Variants in SHROOM2 observed in about 807,000 individuals in gnomAD.
SHROOM2 encodes the protein shroom family member 2.
A neutral mutation model predicts 75.9 loss-of-function variants in SHROOM2; 33 were observed. That is an observed-to-expected ratio of 0.43 (90% CI 0.33 to 0.58). The LOEUF is 0.58. SHROOM2 is among the 20% of genes least tolerant of loss of function. The pLI, the probability that SHROOM2 is intolerant of heterozygous loss-of-function variation, is 0.04. For missense variants in SHROOM2, 1,434 were observed against 1,461.2 expected (o/e 0.98, Z 0.30); for synonymous variants, 655 against 663.6 (o/e 0.99, Z 0.20).
chrX:9,891,858 G>A (rs2084294864), intron 3 of SHROOM2, among the ~76,000 whole-genome samples: 1 of 102,191 alleles, frequency 9.8e-6, no homozygotes, highest in Non-Finnish European at 2.0e-5. Context: ...GAGTATCAGT[G>A]AGCATGTTTG....
At chrX:9,934,384 C>T (rs773004708) in intron 6 of SHROOM2, among the ~76,000 whole-genome samples, 1 of 111,162 alleles carries the variant, frequency 9.0e-6, no homozygotes, top group African/African-American at 3.3e-5. Flanking sequence ...TATCTCCAGC[C>T]GAGGCATTGT....
intron 2 of SHROOM2, among the ~76,000 whole-genome samples, chrX:9,881,745 C>T (rs73474568): frequency 0.027 from 3,008 of 112,215 alleles, 118 homozygotes; most frequent in African/African-American, 0.092. Context: ...CCGATTTTGC[C>T]ACTGAGTTTC....
chrX:9,881,775 G>A (rs1255780733), intron 2 of SHROOM2, among the ~76,000 whole-genome samples: 1 of 111,940 alleles, frequency 8.9e-6, no homozygotes, highest in Admixed American at 9.4e-5. Context: ...CATGGTCTGG[G>A]CTCAATGTTT....
chrX:9,838,062 T>G (rs1440361873), intron 1 of SHROOM2, among the ~76,000 whole-genome samples: 42 of 96,654 alleles, frequency 4.3e-4, no homozygotes, highest in Non-Finnish European at 2.3e-4. Context: ...GTGTGGTTTT[T>G]TTTTTTTTTT....
intron 1 of SHROOM2, among the ~76,000 whole-genome samples, chrX:9,833,645 T>TGTGC (rs989151309): frequency 1.8e-4 from 18 of 100,085 alleles, no homozygotes; most frequent in Admixed American, 7.6e-4. Flanking sequence ...TGTGTGTGTG[T>TGTGC]GCATGCACGT....
chrX:9,800,334 A>T, intron 1 of SHROOM2, among the ~76,000 whole-genome samples: 1 of 106,355 alleles, frequency 9.4e-6, no homozygotes. Flanking sequence ...TATTTTATGT[A>T]TTATTATTAT....
intron 9 of SHROOM2, 119 bp from the exon 10 acceptor site, chrX:9,946,552 C>A: frequency 1.6e-6 from 1 of 630,177 alleles, no homozygotes; most frequent in Non-Finnish European, 2.4e-6. Context: ...TCTCTGGTGG[C>A]ATCAGGGTTT....
chrX:9,896,677 G>A lies in SHROOM2; in HGVS notation c.2769G>A (p.Pro923=), dbSNP rs1421230826. 1.6e-5 allele frequency: 19 copies of A among 1,190,375 alleles called. No individual in the cohort carries two copies. The highest frequency in any genetic ancestry group is 3.0e-5 in the East Asian group (1 of 33,107). Residue 923 remains proline (P), a synonymous_variant, in exon 4 of 10, where the codon CCG becomes CCA. Transcript: ENST00000380913. ...TTCATGGGAGGTCCCGGTCTTCACCGTCCACAGACCACTACAAGCAGGTAA... is the reference window on the plus strand; with the variant it reads ...TTCATGGGAGGTCCCGGTCTTCACCATCCACAGACCACTACAAGCAGGTAA... ...QHVHGRSRSS[P]STDHYKQEAS... is the part of the protein sequence containing the mutation.
intron 1 of SHROOM2, among the ~76,000 whole-genome samples, chrX:9,839,729 G>A (rs188413808): frequency 1.4e-4 from 16 of 112,033 alleles, no homozygotes; most frequent in South Asian, 3.7e-4. Flanking sequence ...TATTAGTGCA[G>A]TGTTGGGTAG....
chrX:9,788,135 A>G (rs967715175), intron 1 of SHROOM2, among the ~76,000 whole-genome samples: 2 of 108,342 alleles, frequency 1.8e-5, no homozygotes, highest in Admixed American at 9.9e-5. Flanking sequence ...CTGGTCTCGA[A>G]CTCCTCTGCC....
At chrX:9,941,730 C>G (rs113207318) in intron 8 of SHROOM2, among the ~76,000 whole-genome samples, 5,893 of 109,432 alleles carry the variant, frequency 0.054, 189 homozygotes, top group Middle Eastern at 0.1. Context: ...CCAGCACTTT[C>G]GGAGGCCGAG....
At position 9,896,479 on chromosome X, in the gene SHROOM2, A is replaced by G; in HGVS notation, c.2571A>G (p.Ala857=). 2 of 1,210,362 alleles carry G rather than the reference A, an allele frequency of 1.7e-6. No homozygotes were observed. The highest frequency in any genetic ancestry group is 1.8e-5 in the South Asian group (1 of 56,763). ...SLGDSLNAHS[A]AEKAGTSDLP... Reference sequence around the variant, plus strand: ...GGGACAGCCTCAACGCTCACAGCGCAGCGGAGAAGGCAGGGACTTCAGACC... The same window carrying G: ...GGGACAGCCTCAACGCTCACAGCGCGGCGGAGAAGGCAGGGACTTCAGACC... Residue 857 remains alanine (A), a synonymous_variant, in exon 4 of 10, where the codon GCA becomes GCG. Transcript: ENST00000380913.
chrX:9,795,486 G>A (rs1004339112), intron 1 of SHROOM2, among the ~76,000 whole-genome samples: 1 of 111,919 alleles, frequency 8.9e-6, no homozygotes, highest in Non-Finnish European at 1.9e-5. Context: ...ATCTGTGACA[G>A]TATTAAACTG....
intron 5 of SHROOM2, among the ~76,000 whole-genome samples, chrX:9,905,947 C>T (rs2084389310): frequency 8.9e-6 from 1 of 111,804 alleles, no homozygotes; most frequent in African/African-American, 3.3e-5. Context: ...CCTTCTGTGG[C>T]ACCCAGGAAA....
At chrX:9,815,393 T>C (rs1359650806) in intron 1 of SHROOM2, among the ~76,000 whole-genome samples, 1 of 107,571 alleles carries the variant, frequency 9.3e-6, no homozygotes, top group Admixed American at 1.0e-4. Flanking sequence ...TGTATTAGGG[T>C]TCTCTAGAGT....
intron 1 of SHROOM2, among the ~76,000 whole-genome samples, chrX:9,857,275 G>A (rs1441816890): frequency 1.8e-5 from 2 of 112,179 alleles, no homozygotes; most frequent in Non-Finnish European, 3.8e-5. Flanking sequence ...AGAGTGGGGT[G>A]TGAGTTTCCT....
At chrX:9,862,048 G>A (rs2084107133) in intron 1 of SHROOM2, among the ~76,000 whole-genome samples, 2 of 112,126 alleles carry the variant, frequency 1.8e-5, no homozygotes, top group East Asian at 2.8e-4. Context: ...CGTGCTTACG[G>A]CTTTTCTGTT....
intron 1 of SHROOM2, among the ~76,000 whole-genome samples, chrX:9,834,623 C>CTTAT (rs201317435): frequency 1.1e-3 from 43 of 38,439 alleles, no homozygotes; most frequent in Non-Finnish European, 1.3e-3. Context: ...CTTTCTCCAC[C>CTTAT]TTATTTATTT....
At chrX:9,797,782 C>T (rs1354792812) in intron 1 of SHROOM2, among the ~76,000 whole-genome samples, 1 of 111,768 alleles carries the variant, frequency 8.9e-6, no homozygotes, top group East Asian at 2.8e-4. Flanking sequence ...ATAATTAGTC[C>T]TAGGTGGGGC....
Sources: gnomAD v4.1 joint callset for allele counts (sites outside exome capture counted in the v4.1 genomes callset) on GRCh38, gnomAD v4.1.1 for gene constraint, MANE v1.5 for transcripts, NCBI Gene and HGNC (gene_info 2026-07-23, HGNC 2026-07-21) for gene names.